The following VPS41 variants were observed in gnomAD, a reference collection of about 807,000 sequenced individuals.
The protein encoded by VPS41 is vacuolar protein sorting-associated protein 41 homolog.
A neutral mutation model predicts 130.9 loss-of-function variants in VPS41; 85 were observed. The ratio of observed to expected loss-of-function variants is 0.65; its 90% CI spans 0.55 to 0.78. The LOEUF (loss-of-function observed/expected upper bound fraction) is 0.78, where lower values mean the gene tolerates loss of function less well. Ranked by LOEUF, VPS41 falls within the 30% of genes least tolerant of loss-of-function variation. The probability of loss-of-function intolerance (pLI) is 0.00; values close to 1 mark genes in which losing one functional copy is unlikely to be tolerated. For missense variants in VPS41, 874 were observed against 1,018.7 expected (o/e 0.86, Z 1.93); for synonymous variants, 335 against 332.9 (o/e 1.01, Z -0.07).
At chr7:38,773,357 T>C (rs1784192519) in intron 12 of VPS41, among the ~76,000 whole-genome samples, 1 of 152,194 alleles carries the variant, frequency 6.6e-6, no homozygotes, top group Non-Finnish European at 1.5e-5. Context: ...TTGCCAAGTC[T>C]AGAATATACT....
In VPS41 at chr7:38,736,809, A is replaced by T. The variant is rs184216726; in HGVS notation, c.2259+5176T>A. Among the ~76,000 whole-genome samples, 3 of 152,370 alleles carry T rather than the reference A, an allele frequency of 2.0e-5. No individual in the cohort carries two copies. In the East Asian group the frequency reaches 5.8e-4, roughly 29 times the overall value. Reference sequence around the variant, plus strand: ...CATGAGCACCAAAAAGTTTTGGCACATATTTGTCTTATACATGGATTAAAA... The same window carrying T: ...CATGAGCACCAAAAAGTTTTGGCACTTATTTGTCTTATACATGGATTAAAA... On this transcript the variant is annotated intron_variant, in intron 25 of 28. Coordinates refer to ENST00000310301, the MANE Select transcript of VPS41 (RefSeq NM_014396.4).
At chr7:38,818,249 C>CAAA (rs11421525) in intron 6 of VPS41, among the ~76,000 whole-genome samples, 24 of 130,362 alleles carry the variant, frequency 1.8e-4, no homozygotes, top group Admixed American at 5.3e-4. Context: ...GAAAACAAAA[C>CAAA]AAAAAAAAAA....
chr7:38,735,339 C>T (rs733150), intron 25 of VPS41, among the ~76,000 whole-genome samples: 98,320 of 152,110 alleles, frequency 0.65, 33,037 homozygotes, highest in Admixed American at 0.78. Context: ...CCATTATTTC[C>T]TCTTATCCCA....
chr7:38,889,927 G>A (rs926526023), intron 2 of VPS41, among the ~76,000 whole-genome samples: 1 of 152,162 alleles, frequency 6.6e-6, no homozygotes, highest in Non-Finnish European at 1.5e-5. Flanking sequence ...AAAGCAAGGA[G>A]GGTAAAGGAA....
At chr7:38,841,571 C>T (rs1051817977) in intron 4 of VPS41, among the ~76,000 whole-genome samples, 2 of 152,068 alleles carry the variant, frequency 1.3e-5, no homozygotes, top group African/African-American at 4.8e-5. Flanking sequence ...CCATTACACC[C>T]ACTTCTCTTC....
At position 38,763,537 on chromosome 7, in the gene VPS41, G is replaced by T. The variant is rs374797652; in HGVS notation, c.1340C>A (p.Pro447His). ...KEIGQLKAIS[P>H]YLPRGDPVLK... ...AACTGGATCACCTCTTGGCAAATAA[G>T]GACTAATAGCCTAGGTAAGGAAAAG... The change falls in exon 17 of 29, where the codon CCT becomes CAT. Residue 447 changes from proline to histidine, a missense_variant. By Grantham distance (77) the Pro-to-His change is moderately conservative. Transcript: ENST00000310301. 41 of 1,596,322 alleles carry T rather than the reference G, an allele frequency of 2.6e-5. No individual in the cohort carries two copies. The highest frequency in any genetic ancestry group is 2.6e-6 in the Non-Finnish European group (3 of 1,173,258).
chr7:38,878,582 TAATAA>T (rs1350956958), intron 2 of VPS41, among the ~76,000 whole-genome samples: 1 of 152,120 alleles, frequency 6.6e-6, no homozygotes. Context: ...CCGCATATAT[TAATAA>T]AAAACATGTA....
intron 21 of VPS41, among the ~76,000 whole-genome samples, chr7:38,753,885 GA>G (rs989538568): frequency 1.3e-5 from 2 of 152,144 alleles, no homozygotes; most frequent in Non-Finnish European, 2.9e-5. Context: ...ACTGACTTTT[GA>G]AAAAAATGCT....
chr7:38,856,720 C>G (rs1327160021), intron 4 of VPS41, among the ~76,000 whole-genome samples: 3 of 152,042 alleles, frequency 2.0e-5, no homozygotes, highest in African/African-American at 7.2e-5. Context: ...GGCCACACTA[C>G]AAGTGAAATA....
At chr7:38,797,058 G>GA in intron 7 of VPS41, 194 bp from the exon 8 acceptor site, 2 of 629,396 alleles carry the variant, frequency 3.2e-6, no homozygotes, top group Non-Finnish European at 5.2e-6. Flanking sequence ...TCCCCAGGAA[G>GA]TTGTTTAAAA....
At chr7:38,785,869 A>G (rs538373049) in intron 10 of VPS41, among the ~76,000 whole-genome samples, 1 of 152,334 alleles carries the variant, frequency 6.6e-6, no homozygotes, top group African/African-American at 2.4e-5. Flanking sequence ...AATGTGGAGG[A>G]GAAGCAATGA....
chr7:38,816,087 TGACAAA>T (rs1450986162), intron 7 of VPS41, among the ~76,000 whole-genome samples: 4 of 152,194 alleles, frequency 2.6e-5, no homozygotes, highest in Non-Finnish European at 4.4e-5. Context: ...TTCCTGAGGC[TGACAAA>T]GACAAAGACA....
chr7:38,876,516 T>C (rs577090854), intron 2 of VPS41, among the ~76,000 whole-genome samples: 2 of 152,324 alleles, frequency 1.3e-5, no homozygotes, highest in East Asian at 3.9e-4. Context: ...TTGCTGTAAC[T>C]ATTAAAGATA....
intron 2 of VPS41, among the ~76,000 whole-genome samples, chr7:38,880,773 G>A (rs1047383067): frequency 6.6e-6 from 1 of 152,200 alleles, no homozygotes; most frequent in African/African-American, 2.4e-5. Context: ...ATTTGTTATA[G>A]CATTTCTTGA....
At position 38,819,858 on chromosome 7, in the gene VPS41, A is replaced by G. The variant is rs576520127; in HGVS notation, c.384+1345T>C. 2.6e-5 allele frequency among the ~76,000 whole-genome samples: 4 copies of G among 152,302 alleles called. No homozygotes were observed. The East Asian group carries it at 7.7e-4, about 29-fold the overall frequency. Reference sequence around the variant, plus strand: ...ACTCTACAGCTCTAAATTGGATAATATCTTTAAAAATAGCTTCACCTTATT... The same window carrying G: ...ACTCTACAGCTCTAAATTGGATAATGTCTTTAAAAATAGCTTCACCTTATT... On this transcript the variant is annotated intron_variant, in intron 6 of 28. Transcript: ENST00000310301.
In VPS41 at chr7:38,782,892, G is replaced by A. The variant is rs573362236; in HGVS notation, c.785-6116C>T. Among the ~76,000 whole-genome samples, 238 of 152,214 alleles carry A rather than the reference G, an allele frequency of 1.6e-3. 3 individuals are homozygous for A. Among genetic ancestry groups the A allele is most frequent in the African/African-American group, 5.1e-3 (211 of 41,526 alleles). On this transcript the variant is annotated intron_variant, in intron 10 of 28. Coordinates refer to ENST00000310301, the MANE Select transcript of VPS41 (RefSeq NM_014396.4). ...AGCAATTTGGGAGGCCGAGGTGGACGGATCACTTGAGGTCAGGAGTTCGAG... is the reference window on the plus strand; with the variant it reads ...AGCAATTTGGGAGGCCGAGGTGGACAGATCACTTGAGGTCAGGAGTTCGAG...
chr7:38,866,011 A>G lies in VPS41; in HGVS notation c.168+3135T>C, dbSNP rs554023796. Among the ~76,000 whole-genome samples the G allele has an allele frequency of 5.9e-5, 9 of 152,344 alleles. No individual in the cohort carries two copies. The East Asian group carries it at 1.7e-3, about 29-fold the overall frequency. ...CAGACTAGAGTGAAAGCAAATCTGA[A>G]GGAAAATAGACAAGTTCACAGTATG... On this transcript the variant is annotated intron_variant, in intron 3 of 28. Coordinates refer to ENST00000310301, the MANE Select transcript of VPS41 (RefSeq NM_014396.4).
intron 10 of VPS41, among the ~76,000 whole-genome samples, chr7:38,784,910 G>A (rs74825803): frequency 0.022 from 3,380 of 152,196 alleles, 51 homozygotes; most frequent in African/African-American, 0.046. Context: ...TTAGCTAAAT[G>A]CTACCCAGAT....
chr7:38,863,439 C>T (rs1052846637), intron 3 of VPS41, among the ~76,000 whole-genome samples: 4 of 152,060 alleles, frequency 2.6e-5, no homozygotes, highest in East Asian at 1.9e-4. Flanking sequence ...CATAATGAAA[C>T]GCTCAAATTT....
Sources: allele counts gnomAD v4.1 joint callset (sites outside exome capture counted in the v4.1 genomes callset), GRCh38; gene constraint gnomAD v4.1.1; transcripts MANE v1.5; gene names NCBI Gene and HGNC (gene_info 2026-07-23, HGNC 2026-07-21).